The following CD300LB variants were observed in gnomAD, a reference collection of about 807,000 sequenced individuals.
CD300LB encodes CMRF35-like molecule 7.
CD300LB carries 18 observed loss-of-function variants against 20.8 expected under a neutral mutation model. The ratio of observed to expected loss-of-function variants is 0.87; its 90% CI spans 0.60 to 1.28. CD300LB has a LOEUF of 1.28. Among genes scored for constraint, CD300LB ranks in the 50% most tolerant of loss-of-function variants. The pLI is 0.00. For synonymous variants in CD300LB, 91 were observed against 91.3 expected (o/e 1.00, Z 0.02); for missense variants, 222 against 251.8 (o/e 0.88, Z 0.80).
intron 1 of CD300LB, among the ~76,000 whole-genome samples, chr17:74,528,738 G>A (rs1347531061): frequency 3.9e-5 from 6 of 152,152 alleles, no homozygotes; most frequent in Admixed American, 3.9e-4. Context: ...CACTGAACTA[G>A]TTGGGAAACC....
chr17:74,522,681 G>T lies in CD300LB; in HGVS notation c.*57C>A. 6 of 1,603,818 alleles carry T rather than the reference G, an allele frequency of 3.7e-6. No individual in the cohort carries two copies. The highest frequency in any genetic ancestry group is 5.1e-6 in the Non-Finnish European group (6 of 1,173,516). ...AGGACTCGTAGATGTTCCTTCCACA[G>T]CCCGAGTCTCTTCTGGAAACGTGGC... On this transcript the variant is annotated 3_prime_UTR_variant, in exon 4 of 4. Coordinates refer to ENST00000392621, the MANE Select transcript of CD300LB (RefSeq NM_174892.4).
intron 2 of CD300LB, among the ~76,000 whole-genome samples, chr17:74,525,547 C>T (rs1412232183): frequency 4.6e-5 from 7 of 152,100 alleles, no homozygotes; most frequent in Non-Finnish European, 8.8e-5. Flanking sequence ...GATAGCAGAG[C>T]GATGCTGGCC....
chr17:74,521,735 C>A lies in CD300LB; in HGVS notation c.*1003G>T. 2 of 984,946 alleles carry A rather than the reference C, an allele frequency of 2.0e-6. No homozygotes were observed. Among genetic ancestry groups the A allele is most frequent in the East Asian group, 1.1e-4 (1 of 8,788 alleles). The allele number at this position is 984,946 out of a possible 1,614,324, so 61.0% of individuals were successfully genotyped here. Reference sequence around the variant, plus strand: ...GTGTTTGCTTGTGGGCAGGTGGGGGCGGGAGCACATCTCACATGGGAAGGT... The same window carrying A: ...GTGTTTGCTTGTGGGCAGGTGGGGGAGGGAGCACATCTCACATGGGAAGGT... On this transcript the variant is annotated 3_prime_UTR_variant, in exon 4 of 4. Coordinates refer to ENST00000392621, the MANE Select transcript of CD300LB (RefSeq NM_174892.4).
At position 74,521,709 on chromosome 17, in the gene CD300LB, T is replaced by A. The variant is rs1907884498; in HGVS notation, c.*1029A>T. The A allele has an allele frequency of 1.0e-6, 1 of 985,466 alleles. No homozygotes were observed. Among genetic ancestry groups the A allele is most frequent in the Non-Finnish European group, 1.2e-6 (1 of 830,090 alleles). 61.0% of individuals were successfully genotyped at this position (985,466 alleles called of 1,614,324 possible). On this transcript the variant is annotated 3_prime_UTR_variant, in exon 4 of 4. Transcript: ENST00000392621. Reference sequence around the variant, plus strand: ...AGGGCAACATGCCGAACATGTGTGGTGTGTTTGCTTGTGGGCAGGTGGGGG... The same window carrying A: ...AGGGCAACATGCCGAACATGTGTGGAGTGTTTGCTTGTGGGCAGGTGGGGG...
intron 1 of CD300LB, among the ~76,000 whole-genome samples, chr17:74,530,000 G>A (rs1908153962): frequency 6.6e-6 from 1 of 152,164 alleles, no homozygotes; most frequent in Non-Finnish European, 1.5e-5. Context: ...TATGATGGCT[G>A]GAACTATTAA....
At chr17:74,525,555 G>A (rs1567999165) in intron 2 of CD300LB, among the ~76,000 whole-genome samples, 193 bp downstream of exon 2, 1 of 152,064 alleles carries the variant, frequency 6.6e-6, no homozygotes, top group Non-Finnish European at 1.5e-5. Flanking sequence ...AGCGATGCTG[G>A]CCACCACTCT....
At chr17:74,525,601 G>A (rs77135321) in intron 2 of CD300LB, 147 bp downstream of exon 2, 1 of 712,574 alleles carries the variant, frequency 1.4e-6, no homozygotes, top group Admixed American at 2.8e-5. Flanking sequence ...CAGTCAGTTT[G>A]TCTGCCTGTC....
Position 74,529,727 on chromosome 17 carries a change from T to C in CD300LB, c.40+1584A>G, listed in dbSNP as rs544301044. 3.6e-4 allele frequency among the ~76,000 whole-genome samples: 54 copies of C among 151,918 alleles called. 1 individual carries two copies. In the South Asian group the frequency reaches 0.011, roughly 31 times the overall value. On this transcript the variant is annotated intron_variant, in intron 1 of 3. Coordinates refer to ENST00000392621, the MANE Select transcript of CD300LB (RefSeq NM_174892.4). ...ATCACTCGAACCTGGGAGGCGGAGGTTGCAGTGAGCCAAGGTTGCACCACT... is the reference window on the plus strand; with the variant it reads ...ATCACTCGAACCTGGGAGGCGGAGGCTGCAGTGAGCCAAGGTTGCACCACT...
intron 1 of CD300LB, among the ~76,000 whole-genome samples, chr17:74,527,669 G>A (rs1272544184): frequency 6.6e-6 from 1 of 150,880 alleles, no homozygotes; most frequent in Non-Finnish European, 1.5e-5. Flanking sequence ...AAAGAGGGTT[G>A]AGGGAGAGTC....
At chr17:74,530,589 A>ACACACC (rs1218839197) in intron 1 of CD300LB, among the ~76,000 whole-genome samples, 1 of 146,868 alleles carries the variant, frequency 6.8e-6, no homozygotes, top group Non-Finnish European at 1.5e-5. Flanking sequence ...ACACACACAC[A>ACACACC]CACCCAACTC....
intron 3 of CD300LB, 55 bp downstream of exon 3, chr17:74,523,524 C>T: frequency 7.6e-7 from 1 of 1,309,010 alleles, no homozygotes; most frequent in Non-Finnish European, 1.1e-6. Context: ...CCAGGCTTGG[C>T]TTCCCCTTAG....
At chr17:74,530,184 C>T (rs187716323) in intron 1 of CD300LB, among the ~76,000 whole-genome samples, 5 of 152,316 alleles carry the variant, frequency 3.3e-5, no homozygotes, top group Admixed American at 1.3e-4. Context: ...GTTGTCCCTC[C>T]GTGGACTGCT....
rs1006367236 is a variant in CD300LB at position 74,522,143 on chromosome 17, C to T, written c.*595G>A. ...GGGCCAGGGAGGTTCCCATTGCCTCCTCAGCCCTGTGGACTCAGAGCCATG... is the reference window on the plus strand; with the variant it reads ...GGGCCAGGGAGGTTCCCATTGCCTCTTCAGCCCTGTGGACTCAGAGCCATG... On this transcript the variant is annotated 3_prime_UTR_variant, in exon 4 of 4. Transcript: ENST00000392621. 3.1e-5 allele frequency: 31 copies of T among 985,368 alleles called. No individual in the cohort carries two copies. The highest frequency in any genetic ancestry group is 6.1e-5 in the Admixed American group (1 of 16,266). The allele number at this position is 985,368 out of a possible 1,614,324, so 61.0% of individuals were successfully genotyped here.
At position 74,531,372 on chromosome 17, in the gene CD300LB, C is replaced by T. The variant is rs563106188; in HGVS notation, c.-22G>A. ...ACATGGCTCTGCCTTCCCGGCTCCT[C>T]GTCCGCCTGATCTGCAACCAGTGGC... On this transcript the variant is annotated 5_prime_UTR_variant, in exon 1 of 4. Transcript: ENST00000392621. The T allele has an allele frequency of 1.9e-6, 3 of 1,612,958 alleles. No individual in the cohort carries two copies. The highest frequency in any genetic ancestry group is 1.7e-5 in the Admixed American group (1 of 59,860).
Position 74,522,313 on chromosome 17 carries a change from T to A in CD300LB, c.*425A>T, listed in dbSNP as rs1358677137. On this transcript the variant is annotated 3_prime_UTR_variant, in exon 4 of 4. Transcript: ENST00000392621. ...CCCAACTTTGCTAGAAAAAAAAAAA[T>A]TTAAAAACACGGATATATCAGGTTC... 1.5e-5 allele frequency: 15 copies of A among 987,310 alleles called. No individual in the cohort carries two copies. The highest frequency in any genetic ancestry group is 2.3e-4 in the East Asian group (2 of 8,886). The allele number at this position is 987,310 out of a possible 1,614,324, so 61.2% of individuals were successfully genotyped here.
At chr17:74,526,644 C>T (rs189557950) in intron 1 of CD300LB, among the ~76,000 whole-genome samples, 6 of 152,128 alleles carry the variant, frequency 3.9e-5, no homozygotes, top group Non-Finnish European at 7.4e-5. Context: ...ACCCGGGAGG[C>T]GGAGGTTGCA....
chr17:74,523,331 T>C (rs1907938698), intron 3 of CD300LB: 2 of 566,646 alleles, frequency 3.5e-6, no homozygotes, highest in African/African-American at 1.9e-5. Context: ...CAATGCAAGG[T>C]TGACTGATTG....
Position 74,522,388 on chromosome 17 carries a change from G to A in CD300LB, c.*350C>T. On this transcript the variant is annotated 3_prime_UTR_variant, in exon 4 of 4. Transcript: ENST00000392621. ...GTCTCCGGAATGATGGAAGTCTAGG[G>A]CTGGGGGGGTCTCCCCCAACCTCTT... The A allele has an allele frequency of 9.7e-7, 1 of 1,025,964 alleles. No homozygotes were observed. Among genetic ancestry groups the A allele is most frequent in the Non-Finnish European group, 1.2e-6 (1 of 855,888 alleles). The allele number at this position is 1,025,964 out of a possible 1,614,324, so 63.6% of individuals were successfully genotyped here. A position where few individuals can be genotyped will look rare whatever the true frequency, so the allele number is the denominator to read the frequency against.
chr17:74,529,202 G>T (rs576997529), intron 1 of CD300LB, among the ~76,000 whole-genome samples: 1 of 152,122 alleles, frequency 6.6e-6, no homozygotes, highest in Admixed American at 6.5e-5. Flanking sequence ...TTTGGGGTTT[G>T]CTCTGTCAGT....
Sources: gnomAD v4.1 joint callset for allele counts (sites outside exome capture counted in the v4.1 genomes callset) on GRCh38, gnomAD v4.1.1 for gene constraint, MANE v1.5 for transcripts, NCBI Gene and HGNC (gene_info 2026-07-23, HGNC 2026-07-21) for gene names.